HS3ST3A1: variants seen among roughly 807,000 people sequenced by gnomAD.
The protein encoded by HS3ST3A1 is heparan sulfate glucosamine 3-O-sulfotransferase 3A1.
In HS3ST3A1, 19 loss-of-function variants were observed where a neutral mutation model predicts 25.7. The observed-to-expected ratio is 0.74, with a 90% CI of 0.52 to 1.08. The LOEUF (loss-of-function observed/expected upper bound fraction) is 1.08. Ranked by LOEUF, HS3ST3A1 falls within the 50% of genes least tolerant of loss-of-function variation. The pLI, the probability that HS3ST3A1 is intolerant of heterozygous loss-of-function variation, is 0.00. For missense variants in HS3ST3A1, 459 were observed against 594.3 expected, an observed-to-expected ratio of 0.77 and a Z score of 2.37; for synonymous variants, 226 against 278.6, an observed-to-expected ratio of 0.81 and a Z score of 1.88.
chr17:13,588,030 C>A (rs1218282385), intron 1 of HS3ST3A1, among the ~76,000 whole-genome samples: 1 of 152,108 alleles, frequency 6.6e-6, no homozygotes, highest in Non-Finnish European at 1.5e-5. Flanking sequence ...CTGAGAGTAA[C>A]CCATAAATAA....
At chr17:13,572,232 GA>G (rs1907835723) in intron 1 of HS3ST3A1, among the ~76,000 whole-genome samples, 1 of 152,134 alleles carries the variant, frequency 6.6e-6, no homozygotes, top group African/African-American at 2.4e-5. Context: ...AATATGCTCA[GA>G]AAACATTTAA....
At chr17:13,571,829 G>A (rs548061493) in intron 1 of HS3ST3A1, among the ~76,000 whole-genome samples, 30 of 152,084 alleles carry the variant, frequency 2.0e-4, no homozygotes, top group Non-Finnish European at 3.5e-4. Flanking sequence ...GCATGATCTC[G>A]GCTCACTGCA....
At chr17:13,574,014 T>C (rs1907883942) in intron 1 of HS3ST3A1, among the ~76,000 whole-genome samples, 1 of 152,164 alleles carries the variant, frequency 6.6e-6, no homozygotes, top group Non-Finnish European at 1.5e-5. Flanking sequence ...ATTTGTTGTT[T>C]AAATCAGTGG....
Position 13,600,645 on chromosome 17 carries a change from T to C in HS3ST3A1, c.485A>G (p.Lys162Arg). The change falls in exon 1 of 2, where the codon AAG becomes AGG. Residue 162 changes from lysine (K) to arginine (R), a missense_variant. Physicochemically the swap from Lys to Arg is conservative, Grantham distance 26. This residue lies in a region of HS3ST3A1 where 346 missense variants were observed against 303.9 expected (regional missense o/e 1.14). Coordinates refer to ENST00000284110, the MANE Select transcript of HS3ST3A1 (RefSeq NM_006042.3). ...LPQAIIIGVK[K>R]GGTRALLEFL... is the part of the protein sequence containing the mutation. ...CTCCAGCAGCGCCCGCGTGCCGCCCTTCTTCACTCCGATGATGATGGCCTG... is the reference window on the plus strand; with the variant it reads ...CTCCAGCAGCGCCCGCGTGCCGCCCCTCTTCACTCCGATGATGATGGCCTG... 6.3e-7 allele frequency: 1 copy of C among 1,594,900 alleles called. No individual in the cohort carries two copies. The highest frequency in any genetic ancestry group is 2.2e-5 in the East Asian group (1 of 44,474).
chr17:13,549,242 C>T (rs1907176241), intron 1 of HS3ST3A1, among the ~76,000 whole-genome samples: 1 of 152,164 alleles, frequency 6.6e-6, no homozygotes, highest in Non-Finnish European at 1.5e-5. Context: ...CGGCTTCACT[C>T]CTGAAATCAG....
At chr17:13,587,178 G>A (rs935506303) in intron 1 of HS3ST3A1, among the ~76,000 whole-genome samples, 16 of 151,704 alleles carry the variant, frequency 1.1e-4, no homozygotes, top group Non-Finnish European at 1.5e-4. Flanking sequence ...CTTTGAGGCC[G>A]GGCACGGTGG....
intron 1 of HS3ST3A1, among the ~76,000 whole-genome samples, chr17:13,516,896 C>T (rs530829267): frequency 3.9e-5 from 6 of 152,114 alleles, no homozygotes; most frequent in African/African-American, 1.4e-4. Context: ...CCGTGTTAGC[C>T]AGGATGGTCT....
At chr17:13,569,500 A>G (rs1008348892) in intron 1 of HS3ST3A1, among the ~76,000 whole-genome samples, 5 of 152,308 alleles carry the variant, frequency 3.3e-5, no homozygotes, top group South Asian at 2.1e-4. Flanking sequence ...TGGCAGATAC[A>G]CACACCAGTC....
At chr17:13,517,860 T>C (rs1324546096) in intron 1 of HS3ST3A1, among the ~76,000 whole-genome samples, 1 of 152,174 alleles carries the variant, frequency 6.6e-6, no homozygotes, top group Admixed American at 6.5e-5. Context: ...GCTAGGCTGA[T>C]CTCAAACTCC....
chr17:13,521,143 G>A (rs1906222067), intron 1 of HS3ST3A1, among the ~76,000 whole-genome samples: 1 of 152,156 alleles, frequency 6.6e-6, no homozygotes, highest in Non-Finnish European at 1.5e-5. Flanking sequence ...GTCACCATTT[G>A]CCTCTTGGCC....
intron 1 of HS3ST3A1, among the ~76,000 whole-genome samples, chr17:13,549,187 G>A (rs1017744240): frequency 3.3e-5 from 5 of 152,232 alleles, no homozygotes; most frequent in Admixed American, 2.0e-4. Flanking sequence ...AAACAACTCC[G>A]GACACGCTGG....
At chr17:13,532,895 A>G (rs62059583) in intron 1 of HS3ST3A1, among the ~76,000 whole-genome samples, 65,850 of 135,112 alleles carry the variant, frequency 0.49, 16,362 homozygotes, top group African/African-American at 0.7. Context: ...GTGTGTGTGT[A>G]TATGTTTATA....
At chr17:13,587,422 C>A (rs901403512) in intron 1 of HS3ST3A1, among the ~76,000 whole-genome samples, 1 of 152,180 alleles carries the variant, frequency 6.6e-6, no homozygotes, top group Admixed American at 6.5e-5. Context: ...CCACTGCACT[C>A]CAATCTGGTG....
chr17:13,514,910 C>T (rs1463131888), intron 1 of HS3ST3A1, among the ~76,000 whole-genome samples: 2 of 151,906 alleles, frequency 1.3e-5, no homozygotes, highest in Non-Finnish European at 2.9e-5. Flanking sequence ...TACTGAGGAA[C>T]ATAAAAGAAA....
intron 1 of HS3ST3A1, among the ~76,000 whole-genome samples, chr17:13,546,311 G>T (rs1907086595): frequency 6.6e-6 from 1 of 151,828 alleles, no homozygotes; most frequent in Non-Finnish European, 1.5e-5. Flanking sequence ...CTGTTGCTAG[G>T]CTGGAGTGCA....
chr17:13,540,282 T>C (rs1906893219), intron 1 of HS3ST3A1, among the ~76,000 whole-genome samples: 1 of 152,186 alleles, frequency 6.6e-6, no homozygotes, highest in Admixed American at 6.5e-5. Flanking sequence ...GTTTTTCCCT[T>C]TCTGAGTTCT....
Position 13,518,628 on chromosome 17 carries a change from T to G in HS3ST3A1, c.600-21810A>C, listed in dbSNP as rs77810116. Among the ~76,000 whole-genome samples the G allele has an allele frequency of 7.5e-3, 1,149 of 152,344 alleles. 8 individuals are homozygous for G. The highest frequency in any genetic ancestry group is 0.027 in the African/African-American group (1,103 of 41,582). Reference sequence around the variant, plus strand: ...TATCCATGTGACTTGCTTTGGCCAATGGAACATTAGCACTTGTGCTACAAG... The same window carrying G: ...TATCCATGTGACTTGCTTTGGCCAAGGGAACATTAGCACTTGTGCTACAAG... On this transcript the variant is annotated intron_variant, in intron 1 of 1. Transcript: ENST00000284110.
chr17:13,552,680 A>C (rs985119667), intron 1 of HS3ST3A1, among the ~76,000 whole-genome samples: 1 of 152,166 alleles, frequency 6.6e-6, no homozygotes, highest in Non-Finnish European at 1.5e-5. Flanking sequence ...CTGAACCCAA[A>C]ATGATTAACT....
At chr17:13,497,076 T>C (rs1421808994) in intron 1 of HS3ST3A1, among the ~76,000 whole-genome samples, 4 of 152,198 alleles carry the variant, frequency 2.6e-5, no homozygotes, top group Non-Finnish European at 5.9e-5. Context: ...CTTAGAAAAC[T>C]GCCTGGCACC....
Sources: allele counts gnomAD v4.1 joint callset (sites outside exome capture counted in the v4.1 genomes callset), GRCh38; gene constraint gnomAD v4.1.1; regional missense constraint gnomAD v4.1.1; transcripts MANE v1.5; gene names NCBI Gene and HGNC (gene_info 2026-07-23, HGNC 2026-07-21).